Variants in EPHA6 observed in about 807,000 individuals in gnomAD.
The protein encoded by EPHA6 is EPH receptor A6.
EPHA6 carries 50 observed loss-of-function variants against 112.0 expected under a neutral mutation model. That is an observed-to-expected ratio of 0.45 (90% CI 0.36 to 0.56). The LOEUF is 0.56. Ranked by LOEUF, EPHA6 falls within the 20% of genes least tolerant of loss-of-function variation. The pLI is 0.00. For synonymous variants in EPHA6, 529 were observed against 490.7 expected, an observed-to-expected ratio of 1.08 and a Z score of -1.03; for missense variants, 1,280 against 1,417.4, an observed-to-expected ratio of 0.90 and a Z score of 1.56.
At chr3:97,158,102 T>G (rs1452088430) in intron 3 of EPHA6, among the ~76,000 whole-genome samples, 1 of 152,130 alleles carries the variant, frequency 6.6e-6, no homozygotes, top group Non-Finnish European at 1.5e-5. Flanking sequence ...CACACTAATA[T>G]GTTAGAAGTG....
At chr3:97,319,681 CA>C (rs933432322) in intron 5 of EPHA6, among the ~76,000 whole-genome samples, 2 of 132,746 alleles carry the variant, frequency 1.5e-5, no homozygotes, top group African/African-American at 2.8e-5. Flanking sequence ...AAAAAAAAAA[CA>C]AAAAACAAAA....
intron 3 of EPHA6, among the ~76,000 whole-genome samples, chr3:97,182,507 T>C (rs995903639): frequency 3.3e-5 from 5 of 152,106 alleles, no homozygotes; most frequent in Admixed American, 6.6e-5. Flanking sequence ...CTTCAGAAAC[T>C]ATAAATTTTT....
At chr3:97,136,951 A>C (rs1411236043) in intron 3 of EPHA6, among the ~76,000 whole-genome samples, 1 of 152,200 alleles carries the variant, frequency 6.6e-6, no homozygotes, top group Non-Finnish European at 1.5e-5. Flanking sequence ...AGAAAATAAC[A>C]TAAAAATATG....
intron 5 of EPHA6, among the ~76,000 whole-genome samples, chr3:97,249,540 A>G (rs576197917): frequency 5.3e-5 from 8 of 152,316 alleles, no homozygotes; most frequent in Non-Finnish European, 1.2e-4. Flanking sequence ...ATTCGTTTGC[A>G]GAGAGTTGGT....
At chr3:96,919,758 C>T (rs2039666840) in intron 2 of EPHA6, among the ~76,000 whole-genome samples, 1 of 151,726 alleles carries the variant, frequency 6.6e-6, no homozygotes, top group Non-Finnish European at 1.5e-5. Context: ...TGCTGCAAGC[C>T]TTTTGTGCTA....
chr3:96,822,796 T>C (rs1039023146), intron 1 of EPHA6, among the ~76,000 whole-genome samples: 3 of 151,138 alleles, frequency 2.0e-5, no homozygotes, highest in African/African-American at 7.3e-5. Flanking sequence ...TATACTTGTA[T>C]TTTGAGCTAC....
Position 97,627,139 on chromosome 3 carries a change from C to T in EPHA6, c.2575-10734C>T, listed in dbSNP as rs879666075. 3.3e-5 allele frequency among the ~76,000 whole-genome samples: 5 copies of T among 151,662 alleles called. No homozygotes were observed. The South Asian group carries it at 1.0e-3, about 31-fold the overall frequency. On this transcript the variant is annotated intron_variant, in intron 13 of 17. Coordinates refer to ENST00000389672, the MANE Select transcript of EPHA6 (RefSeq NM_001080448.3). The stretch of plus-strand genomic sequence containing the variant: ...AGGCAAGGCAAGTTAGGTGGCTTGC[C>T]CAATGTCAAACAGCTGATAAATCAT...
At chr3:97,192,564 T>C (rs1432801426) in intron 3 of EPHA6, among the ~76,000 whole-genome samples, 1 of 152,170 alleles carries the variant, frequency 6.6e-6, no homozygotes, top group Non-Finnish European at 1.5e-5. Context: ...TATTTTCTTC[T>C]ATTCTGTGGG....
intron 3 of EPHA6, among the ~76,000 whole-genome samples, chr3:97,124,036 A>C (rs563781451): frequency 6.6e-6 from 1 of 152,210 alleles, no homozygotes; most frequent in African/African-American, 2.4e-5. Context: ...GTATCCTGTT[A>C]ATAAACCAAC....
At chr3:97,231,713 G>T (rs185777755) in intron 4 of EPHA6, among the ~76,000 whole-genome samples, 1 of 152,184 alleles carries the variant, frequency 6.6e-6, no homozygotes, top group Admixed American at 6.5e-5. Context: ...AGAAGATGAA[G>T]GGTGGAACTT....
chr3:97,264,978 G>A (rs1326800079), intron 5 of EPHA6, among the ~76,000 whole-genome samples: 1 of 152,212 alleles, frequency 6.6e-6, no homozygotes, highest in African/African-American at 2.4e-5. Context: ...GTCCCAACGA[G>A]CGTTCAGCTC....
At chr3:97,244,442 A>G in intron 5 of EPHA6, 155 bp downstream of exon 5, 1 of 624,524 alleles carries the variant, frequency 1.6e-6, no homozygotes, top group Non-Finnish European at 2.8e-6. Flanking sequence ...TTCTTTCCTA[A>G]AACTCAGAAA....
chr3:97,428,018 T>A (rs1025325830), intron 6 of EPHA6, among the ~76,000 whole-genome samples: 2 of 152,032 alleles, frequency 1.3e-5, no homozygotes, highest in Non-Finnish European at 2.9e-5. Flanking sequence ...ACAATTTATG[T>A]AACAAACCTG....
chr3:97,492,379 C>T (rs1055385071), intron 10 of EPHA6, among the ~76,000 whole-genome samples: 6 of 150,648 alleles, frequency 4.0e-5, no homozygotes, highest in Non-Finnish European at 7.4e-5. Flanking sequence ...CCAGTCTCTA[C>T]TAAAATACAA....
intron 6 of EPHA6, among the ~76,000 whole-genome samples, chr3:97,417,542 G>A (rs1045562608): frequency 2.6e-5 from 4 of 152,054 alleles, no homozygotes; most frequent in African/African-American, 9.7e-5. Flanking sequence ...TATGTGTAAA[G>A]CATACTCTTG....
At chr3:96,833,837 A>T (rs2034237495) in intron 1 of EPHA6, among the ~76,000 whole-genome samples, 1 of 152,030 alleles carries the variant, frequency 6.6e-6, no homozygotes, top group East Asian at 1.9e-4. Flanking sequence ...AGTTATTGTT[A>T]ACTGTAGTCA....
intron 3 of EPHA6, among the ~76,000 whole-genome samples, chr3:97,005,925 A>G (rs2043861698): frequency 6.6e-6 from 1 of 152,114 alleles, no homozygotes; most frequent in Non-Finnish European, 1.5e-5. Context: ...ACATTTATCG[A>G]TTTGGGTATG....
chr3:97,738,457 T>A (rs905232044), intron 16 of EPHA6, among the ~76,000 whole-genome samples: 1 of 152,080 alleles, frequency 6.6e-6, no homozygotes, highest in Non-Finnish European at 1.5e-5. Flanking sequence ...AACCTTCTTT[T>A]TGAAGAAAAG....
At chr3:97,474,596 G>A (rs1054087383) in intron 7 of EPHA6, among the ~76,000 whole-genome samples, 1 of 151,680 alleles carries the variant, frequency 6.6e-6, no homozygotes, top group Non-Finnish European at 1.5e-5. Context: ...TTTGATTAAA[G>A]CATTATTAAT....
Sources: allele counts gnomAD v4.1 joint callset (sites outside exome capture counted in the v4.1 genomes callset), GRCh38; gene constraint gnomAD v4.1.1; transcripts MANE v1.5; gene names NCBI Gene and HGNC (gene_info 2026-07-23, HGNC 2026-07-21).